ANKRD31: variants seen among roughly 807,000 people sequenced by gnomAD.
ANKRD31 encodes the protein ankyrin repeat domain-containing protein 31.
In ANKRD31, 147 loss-of-function variants were observed where a neutral mutation model predicts 186.0. The observed-to-expected ratio is 0.79, with a 90% CI of 0.69 to 0.91. The LOEUF is 0.91. ANKRD31 is among the 40% of genes least tolerant of loss of function. The probability of loss-of-function intolerance (pLI) is 0.00; values close to 1 mark genes in which losing one functional copy is unlikely to be tolerated. For synonymous variants in ANKRD31, 673 were observed against 736.4 expected (o/e 0.91, Z 1.39); for missense variants, 1,986 against 2,148.8 (o/e 0.92, Z 1.50).
chr5:75,145,587 G>A (rs748152102), intron 14 of ANKRD31, among the ~76,000 whole-genome samples: 2 of 151,830 alleles, frequency 1.3e-5, no homozygotes, highest in Non-Finnish European at 2.9e-5. Flanking sequence ...GTCATGGGGT[G>A]GGGGGGCTAC....
At chr5:75,204,797 G>A (rs1239109113) in intron 5 of ANKRD31, among the ~76,000 whole-genome samples, 1 of 152,112 alleles carries the variant, frequency 6.6e-6, no homozygotes, top group East Asian at 1.9e-4. Context: ...TACTTAAACA[G>A]TGATAAACAA....
At chr5:75,208,115 T>A (rs1756372661) in intron 4 of ANKRD31, among the ~76,000 whole-genome samples, 1 of 152,156 alleles carries the variant, frequency 6.6e-6, no homozygotes. Flanking sequence ...TTTTTAATAA[T>A]CTCTTTAATG....
intron 3 of ANKRD31, 75 bp downstream of exon 3, chr5:75,222,174 A>G (rs1210557922): frequency 1.7e-5 from 18 of 1,033,650 alleles, no homozygotes; most frequent in Non-Finnish European, 2.4e-5. Flanking sequence ...AAGAATTATC[A>G]TTAGTAATTT....
At chr5:75,142,871 A>G (rs1056216054) in intron 15 of ANKRD31, among the ~76,000 whole-genome samples, 7 of 152,166 alleles carry the variant, frequency 4.6e-5, no homozygotes, top group Admixed American at 6.6e-5. Flanking sequence ...AATAATAGAC[A>G]TGTTAAAAAT....
chr5:75,135,202 A>T (rs903764262), intron 17 of ANKRD31, among the ~76,000 whole-genome samples: 4 of 152,194 alleles, frequency 2.6e-5, no homozygotes, highest in African/African-American at 9.7e-5. Flanking sequence ...AAGGGTATTG[A>T]ATTAGGAAAA....
At chr5:75,200,096 T>C (rs907981319) in intron 5 of ANKRD31, among the ~76,000 whole-genome samples, 1 of 152,092 alleles carries the variant, frequency 6.6e-6, no homozygotes, top group East Asian at 1.9e-4. Flanking sequence ...ATGCCCCTTA[T>C]AGGGGTCAAA....
chr5:75,154,241 A>G lies in ANKRD31; in HGVS notation c.1812T>C (p.Leu604=). ...EAKDLCMKRL[L]ERYIPKHQKC... is the part of the protein sequence containing the mutation. ...TTTGATGTTTAGGGATATATCTCTC[A>G]AGGAGACGCTTCATACATAAATCCT... The change falls in exon 12 of 26, where the codon CTT becomes CTC. Residue 604 remains leucine, a synonymous_variant. Coordinates refer to ENST00000506364, the MANE Select transcript of ANKRD31 (RefSeq NM_001372053.1). The G allele has an allele frequency of 6.5e-7, 1 of 1,533,050 alleles. No individual in the cohort carries two copies. Among genetic ancestry groups the G allele is most frequent in the Non-Finnish European group, 8.7e-7 (1 of 1,144,622 alleles). 95.0% of individuals were successfully genotyped at this position (1,533,050 alleles called of 1,614,324 possible).
At chr5:75,173,616 T>C (rs58109583) in intron 10 of ANKRD31, among the ~76,000 whole-genome samples, 35,936 of 151,976 alleles carry the variant, frequency 0.24, 5,994 homozygotes, top group African/African-American at 0.48. Flanking sequence ...AAGTCACGAG[T>C]GAACTCCCAT....
intron 9 of ANKRD31, among the ~76,000 whole-genome samples, chr5:75,189,616 T>C (rs1754969212): frequency 6.6e-6 from 1 of 152,214 alleles, no homozygotes; most frequent in Non-Finnish European, 1.5e-5. Context: ...ATGCTTACCA[T>C]AATCAGAGCA....
At chr5:75,232,565 GTT>G (rs61040569) in intron 1 of ANKRD31, among the ~76,000 whole-genome samples, 74,308 of 148,630 alleles carry the variant, frequency 0.5, 21,206 homozygotes, top group African/African-American at 0.8. Flanking sequence ...AATTTTGTGT[GTT>G]TTTTTTTTTT....
intron 25 of ANKRD31, among the ~76,000 whole-genome samples, chr5:75,072,727 C>T (rs1269298977): frequency 1.3e-5 from 2 of 152,148 alleles, no homozygotes; most frequent in Non-Finnish European, 2.9e-5. Flanking sequence ...AGAGAGATCA[C>T]GAATATTTAA....
intron 10 of ANKRD31, among the ~76,000 whole-genome samples, chr5:75,171,716 C>T (rs1753340030): frequency 6.6e-6 from 1 of 151,168 alleles, no homozygotes; most frequent in Non-Finnish European, 1.5e-5. Flanking sequence ...CCACAACTTA[C>T]CAAAACAGAC....
At chr5:75,203,673 A>AAAAAAAAAAAAAAAAAG (rs1554092026) in intron 5 of ANKRD31, among the ~76,000 whole-genome samples, 1 of 148,240 alleles carries the variant, frequency 6.7e-6, no homozygotes, top group African/African-American at 2.5e-5. Flanking sequence ...AAAAAAAAAA[A>AAAAAAAAAAAAAAAAAG]AAAAGAAAAG....
chr5:75,221,525 C>A (rs1428686874), intron 3 of ANKRD31, among the ~76,000 whole-genome samples: 6 of 152,122 alleles, frequency 3.9e-5, no homozygotes, highest in Non-Finnish European at 1.5e-5. Context: ...ATTATTACAT[C>A]CTATTTTAAC....
intron 2 of ANKRD31, chr5:75,225,634 G>C (rs781570519): frequency 1.0e-4 from 21 of 204,212 alleles, no homozygotes; most frequent in Non-Finnish European, 1.6e-4. Flanking sequence ...GAAGATACAA[G>C]TGATGTGTTC....
chr5:75,133,880 T>C (rs12561033), intron 17 of ANKRD31, among the ~76,000 whole-genome samples: 1 of 152,032 alleles, frequency 6.6e-6, no homozygotes, highest in African/African-American at 2.4e-5. Flanking sequence ...ACCGCTCAAA[T>C]ACATGGAAAC....
chr5:75,144,874 A>C (rs1247101799), intron 14 of ANKRD31, among the ~76,000 whole-genome samples: 1 of 152,180 alleles, frequency 6.6e-6, no homozygotes, highest in Non-Finnish European at 1.5e-5. Context: ...TCCAGAATTT[A>C]CAAGGAACAA....
chr5:75,175,939 G>T (rs1467550107), intron 10 of ANKRD31, among the ~76,000 whole-genome samples: 1 of 152,084 alleles, frequency 6.6e-6, no homozygotes, highest in African/African-American at 2.4e-5. Flanking sequence ...GTGAGGCATC[G>T]CCACACCCGG....
intron 10 of ANKRD31, among the ~76,000 whole-genome samples, chr5:75,175,947 C>G (rs73131051): frequency 0.049 from 7,417 of 152,102 alleles, 398 homozygotes; most frequent in African/African-American, 0.13. Flanking sequence ...TCGCCACACC[C>G]GGGAAGCGCA....
Sources: allele counts gnomAD v4.1 joint callset (sites outside exome capture counted in the v4.1 genomes callset), GRCh38; gene constraint gnomAD v4.1.1; transcripts MANE v1.5; gene names NCBI Gene and HGNC (gene_info 2026-07-23, HGNC 2026-07-21).